DCBLD2: variants seen among roughly 807,000 people sequenced by gnomAD.
DCBLD2 encodes discoidin, CUB and LCCL domain-containing protein 2.
Under a neutral mutation model 86.8 loss-of-function variants are expected in DCBLD2, and 54 were observed. The ratio of observed to expected loss-of-function variants is 0.62; its 90% CI spans 0.50 to 0.78. The LOEUF (loss-of-function observed/expected upper bound fraction) is 0.78. Among genes scored for constraint, DCBLD2 ranks in the 30% least tolerant of loss-of-function variants. The probability of loss-of-function intolerance (pLI) is 0.00; values close to 1 mark genes in which losing one functional copy is unlikely to be tolerated. For synonymous variants in DCBLD2, 354 were observed against 341.3 expected (o/e 1.04, Z -0.41); for missense variants, 908 against 954.2 (o/e 0.95, Z 0.64).
At chr3:98,822,500 T>G in intron 5 of DCBLD2, 139 bp from the exon 6 acceptor site, 1 of 1,292,368 alleles carries the variant, frequency 7.7e-7, no homozygotes, top group Non-Finnish European at 1.0e-6. Flanking sequence ...TTATTGGTAC[T>G]GTAACACAAC....
At chr3:98,886,844 A>G (rs904839634) in intron 1 of DCBLD2, among the ~76,000 whole-genome samples, 2 of 145,460 alleles carry the variant, frequency 1.4e-5, no homozygotes, top group African/African-American at 4.9e-5. Context: ...TCCCTAGAAA[A>G]AAGAGAAAGA....
At position 98,796,366 on chromosome 3, in the gene DCBLD2, A is replaced by C. The variant is rs1461844971; in HGVS notation, c.*3006T>G. 1.3e-5 allele frequency: 2 copies of C among 152,616 alleles called. No homozygotes were observed. The highest frequency in any genetic ancestry group is 4.8e-5 in the African/African-American group (2 of 41,452). The allele number at this position is 152,616 out of a possible 1,614,324, so 9.5% of individuals were successfully genotyped here. A position where few individuals can be genotyped will look rare whatever the true frequency, so the allele number is the denominator to read the frequency against. ...ACCCAACTCTTAGATTTTGCAGTTT[A>C]GGGACTTCAAGTTCAGAACCAAAAA... On this transcript the variant is annotated 3_prime_UTR_variant, in exon 16 of 16. Transcript: ENST00000326840.
At chr3:98,859,935 G>A (rs1040386598) in intron 2 of DCBLD2, among the ~76,000 whole-genome samples, 1 of 152,212 alleles carries the variant, frequency 6.6e-6, no homozygotes, top group Non-Finnish European at 1.5e-5. Context: ...TGAGCTAAAG[G>A]AAGAAGTTTG....
intron 2 of DCBLD2, among the ~76,000 whole-genome samples, chr3:98,862,728 A>G (rs538737407): frequency 6.0e-4 from 91 of 152,356 alleles, no homozygotes; most frequent in Non-Finnish European, 7.2e-4. Flanking sequence ...TCTCAAAATA[A>G]TAAGAGTTAT....
intron 2 of DCBLD2, among the ~76,000 whole-genome samples, chr3:98,862,072 C>T (rs1336585577): frequency 2.0e-5 from 3 of 152,026 alleles, no homozygotes; most frequent in Non-Finnish European, 2.9e-5. Context: ...ATACAAACTA[C>T]CATCAGAGAA....
rs142617503 is a variant in DCBLD2, at chr3:98,859,623, G to C, written c.434-10025C>G. Among the ~76,000 whole-genome samples the C allele has an allele frequency of 3.9e-3, 599 of 152,338 alleles. 3 individuals carry two copies. Among genetic ancestry groups the C allele is most frequent in the African/African-American group, 0.014 (567 of 41,570 alleles). On this transcript the variant is annotated intron_variant, in intron 2 of 15. Transcript: ENST00000326840. ...GATACCCAGGCAAACAGGGTCTGGA[G>C]TGGACCTCCAGAAAACTCCAACAGA... is the stretch of plus-strand genomic sequence containing the variant.
chr3:98,858,416 T>A (rs1391125502), intron 2 of DCBLD2, among the ~76,000 whole-genome samples: 5 of 152,316 alleles, frequency 3.3e-5, no homozygotes, highest in Non-Finnish European at 1.5e-5. Flanking sequence ...GCTGCCAAAG[T>A]GGGAGCCCAG....
chr3:98,851,914 C>A (rs937180348), intron 2 of DCBLD2, among the ~76,000 whole-genome samples: 3 of 152,182 alleles, frequency 2.0e-5, no homozygotes, highest in African/African-American at 2.4e-5. Flanking sequence ...CCCTTCCTTA[C>A]ACCTTATACA....
intron 3 of DCBLD2, among the ~76,000 whole-genome samples, chr3:98,826,209 G>C (rs1275056333): frequency 1.3e-5 from 2 of 152,132 alleles, no homozygotes. Flanking sequence ...CATTTCAGTG[G>C]CTTCCTTCTC....
chr3:98,884,704 C>T (rs1943528979), intron 1 of DCBLD2, among the ~76,000 whole-genome samples: 2 of 152,002 alleles, frequency 1.3e-5, no homozygotes, highest in African/African-American at 4.8e-5. Context: ...ACTGAATAAA[C>T]AAAGTAACTC....
chr3:98,885,155 C>T (rs60659792), intron 1 of DCBLD2, among the ~76,000 whole-genome samples: 5 of 151,822 alleles, frequency 3.3e-5, no homozygotes, highest in Admixed American at 1.3e-4. Flanking sequence ...GAACAGTCCA[C>T]AAGTAACGTG....
At chr3:98,821,677 A>G (rs1942120356) in intron 6 of DCBLD2, among the ~76,000 whole-genome samples, 1 of 152,094 alleles carries the variant, frequency 6.6e-6, no homozygotes, top group Admixed American at 6.6e-5. Context: ...CAGAAGAAAC[A>G]CATTACTCTT....
intron 14 of DCBLD2, 65 bp from the exon 15 acceptor site, chr3:98,800,781 A>C (rs1420105111): frequency 3.7e-6 from 6 of 1,603,526 alleles, no homozygotes; most frequent in East Asian, 2.2e-5. Context: ...CAGTAGTATC[A>C]AGAGAAAAAT....
intron 13 of DCBLD2, among the ~76,000 whole-genome samples, chr3:98,807,480 C>T (rs776249662): frequency 4.6e-5 from 7 of 152,158 alleles, no homozygotes; most frequent in Admixed American, 2.0e-4. Context: ...ATGAGCCAGA[C>T]GGCAGGCCCT....
intron 3 of DCBLD2, among the ~76,000 whole-genome samples, chr3:98,828,999 T>C (rs1942274538): frequency 6.6e-6 from 1 of 152,126 alleles, no homozygotes; most frequent in Non-Finnish European, 1.5e-5. Flanking sequence ...TTTCCTAGGA[T>C]TGTAGGGGGT....
At chr3:98,892,068 A>G (rs1943671571) in intron 1 of DCBLD2, among the ~76,000 whole-genome samples, 1 of 152,146 alleles carries the variant, frequency 6.6e-6, no homozygotes, top group African/African-American at 2.4e-5. Context: ...AGCCTAAACT[A>G]ATGTTATGGT....
intron 1 of DCBLD2, chr3:98,900,882 C>T: frequency 1.6e-6 from 1 of 640,062 alleles, no homozygotes; most frequent in South Asian, 2.0e-5. Flanking sequence ...ATAGCAGGGT[C>T]TCACGTCCCC....
At chr3:98,820,152 T>G in intron 7 of DCBLD2, 96 bp downstream of exon 7, 7 of 719,092 alleles carry the variant, frequency 9.7e-6, no homozygotes, top group Non-Finnish European at 1.4e-5. Context: ...GACAACTACG[T>G]GAGAAAGTAC....
chr3:98,838,873 C>T (rs942080521), intron 3 of DCBLD2, among the ~76,000 whole-genome samples: 7 of 152,010 alleles, frequency 4.6e-5, no homozygotes, highest in South Asian at 2.1e-4. Flanking sequence ...AGCGAAACCC[C>T]GTCTCCACCA....
Sources: gnomAD v4.1 joint callset for allele counts (sites outside exome capture counted in the v4.1 genomes callset) on GRCh38, gnomAD v4.1.1 for gene constraint, MANE v1.5 for transcripts, NCBI Gene and HGNC (gene_info 2026-07-23, HGNC 2026-07-21) for gene names.